Variants in UVRAG observed in about 807,000 individuals in gnomAD.
UVRAG encodes UV radiation resistance-associated gene protein.
In UVRAG, 19 loss-of-function variants were observed where a neutral mutation model predicts 78.0. That is an observed-to-expected ratio of 0.24 (90% CI 0.17 to 0.36). The LOEUF is 0.36. Ranked by LOEUF, UVRAG falls within the 10% of genes least tolerant of loss-of-function variation. UVRAG has a pLI of 1.00. For synonymous variants in UVRAG, 323 were observed against 324.6 expected (o/e 1.00, Z 0.05); for missense variants, 740 against 853.8 (o/e 0.87, Z 1.66).
intron 3 of UVRAG, among the ~76,000 whole-genome samples, chr11:75,876,121 C>G (rs1946773352): frequency 2.0e-5 from 3 of 152,150 alleles, no homozygotes; most frequent in Non-Finnish European, 4.4e-5. Flanking sequence ...TCTCTGGGTT[C>G]TTTCTTCCTT....
intron 13 of UVRAG, among the ~76,000 whole-genome samples, chr11:76,076,867 A>G (rs1467355272): frequency 6.6e-6 from 1 of 150,998 alleles, no homozygotes; most frequent in Non-Finnish European, 1.5e-5. Flanking sequence ...TAATAAAAAA[A>G]TTAGCAGGGT....
chr11:76,140,850 A>G lies in UVRAG; in HGVS notation c.1537A>G (p.Arg513Gly), dbSNP rs139881214. 6.2e-7 allele frequency: 1 copy of G among 1,614,028 alleles called. No homozygotes were observed. The highest frequency in any genetic ancestry group is 1.3e-5 in the African/African-American group (1 of 74,896). The change falls in exon 15 of 15, where the codon AGA becomes GGA. Residue 513 changes from arginine to glycine, a missense_variant. By Grantham distance (125) the Arg-to-Gly change is moderately radical. Transcript: ENST00000356136. Reference protein sequence around the residue: ...HRKRASSENERLQYKTPPPSY... With the variant: ...HRKRASSENEGLQYKTPPPSY... ...AAAACGGGCCAGCTCTGAGAATGAG[A>G]GACTTCAGTACAAAACCCCTCCTCC...
At chr11:75,865,228 G>A (rs1423682306) in intron 3 of UVRAG, among the ~76,000 whole-genome samples, 3 of 149,786 alleles carry the variant, frequency 2.0e-5, no homozygotes, top group African/African-American at 5.0e-5. Context: ...CGGAGGTTGC[G>A]GTGAGCCGAG....
chr11:75,823,036 A>G (rs1945433179), intron 1 of UVRAG, among the ~76,000 whole-genome samples: 1 of 152,152 alleles, frequency 6.6e-6, no homozygotes, highest in Non-Finnish European at 1.5e-5. Context: ...TTCCTCACCT[A>G]GGAAACGCTG....
intron 1 of UVRAG, among the ~76,000 whole-genome samples, chr11:75,825,935 C>A (rs1353715474): frequency 1.3e-5 from 2 of 151,834 alleles, no homozygotes; most frequent in Admixed American, 1.3e-4. Flanking sequence ...CTCCTGGGTT[C>A]AAGCGATTCT....
intron 8 of UVRAG, among the ~76,000 whole-genome samples, chr11:76,001,415 A>G (rs538852275): frequency 3.3e-5 from 5 of 152,324 alleles, no homozygotes; most frequent in Admixed American, 1.3e-4. Context: ...GAGCAAATTA[A>G]CTAAACCCAA....
intron 1 of UVRAG, among the ~76,000 whole-genome samples, chr11:75,828,444 T>TA (rs113226743): frequency 2.6e-3 from 302 of 115,004 alleles, no homozygotes; most frequent in South Asian, 5.5e-3. Flanking sequence ...CCCCCATCTC[T>TA]AAAAAAAAAA....
chr11:75,854,189 T>G (rs1262524900), intron 2 of UVRAG, among the ~76,000 whole-genome samples: 2 of 152,194 alleles, frequency 1.3e-5, no homozygotes, highest in Non-Finnish European at 2.9e-5. Context: ...CTAAGTCCAG[T>G]GTAGGTGTTC....
chr11:76,130,354 T>G (rs1230258876), intron 14 of UVRAG, among the ~76,000 whole-genome samples: 2 of 152,218 alleles, frequency 1.3e-5, no homozygotes, highest in Non-Finnish European at 2.9e-5. Flanking sequence ...ATAAATTCCA[T>G]TAAAACATGA....
intron 12 of UVRAG, among the ~76,000 whole-genome samples, chr11:76,057,950 A>C (rs549753174): frequency 6.6e-6 from 1 of 152,160 alleles, no homozygotes; most frequent in East Asian, 1.9e-4. Context: ...GGAGGACTTG[A>C]ATGAGGCTCG....
intron 6 of UVRAG, among the ~76,000 whole-genome samples, chr11:75,955,754 T>C (rs1247395619): frequency 6.6e-6 from 1 of 152,062 alleles, no homozygotes; most frequent in African/African-American, 2.4e-5. Flanking sequence ...TCGGACCCAG[T>C]TGCACGCTCC....
intron 7 of UVRAG, among the ~76,000 whole-genome samples, chr11:75,975,103 C>T (rs887029973): frequency 6.6e-6 from 1 of 152,120 alleles, no homozygotes; most frequent in African/African-American, 2.4e-5. Context: ...ATATGGCTAG[C>T]CAGTTTTCCC....
intron 1 of UVRAG, among the ~76,000 whole-genome samples, chr11:75,843,695 A>G (rs1300472757): frequency 6.6e-6 from 1 of 152,188 alleles, no homozygotes; most frequent in African/African-American, 2.4e-5. Flanking sequence ...TCAGTGGCTC[A>G]TGCCTGTAAT....
intron 13 of UVRAG, among the ~76,000 whole-genome samples, chr11:76,097,167 A>G (rs528143698): frequency 3.3e-5 from 5 of 152,134 alleles, no homozygotes; most frequent in Non-Finnish European, 7.4e-5. Context: ...TTGAGCCTGT[A>G]TAACTGCTCG....
intron 14 of UVRAG, 64 bp downstream of exon 14, chr11:76,116,079 T>C (rs1952175156): frequency 6.7e-7 from 1 of 1,493,034 alleles, no homozygotes; most frequent in Non-Finnish European, 9.3e-7. Flanking sequence ...AAATCTTTTC[T>C]GACTTCCACA....
At chr11:76,095,089 CG>C (rs1258194775) in intron 13 of UVRAG, among the ~76,000 whole-genome samples, 4 of 152,252 alleles carry the variant, frequency 2.6e-5, no homozygotes, top group African/African-American at 9.6e-5. Flanking sequence ...TTGTACCTGA[CG>C]GTTCCCTCTC....
intron 7 of UVRAG, among the ~76,000 whole-genome samples, chr11:75,968,843 A>T (rs1305604539): frequency 2.6e-5 from 4 of 152,180 alleles, no homozygotes; most frequent in African/African-American, 4.8e-5. Context: ...TAAAGATTTT[A>T]CCTATCTTTT....
chr11:75,978,526 T>C (rs1235835786), intron 7 of UVRAG, among the ~76,000 whole-genome samples: 1 of 152,222 alleles, frequency 6.6e-6, no homozygotes, highest in East Asian at 1.9e-4. Context: ...AGATTTGGTC[T>C]TTTCACATAG....
At chr11:75,866,099 A>G (rs944063897) in intron 3 of UVRAG, among the ~76,000 whole-genome samples, 5 of 152,030 alleles carry the variant, frequency 3.3e-5, no homozygotes, top group Non-Finnish European at 7.4e-5. Context: ...TCTACCAAAA[A>G]ATGCAAAAAT....
Sources: gnomAD v4.1 joint callset for allele counts (sites outside exome capture counted in the v4.1 genomes callset) on GRCh38, gnomAD v4.1.1 for gene constraint, MANE v1.5 for transcripts, NCBI Gene and HGNC (gene_info 2026-07-23, HGNC 2026-07-21) for gene names.